Variants in ITGB5 observed in about 807,000 individuals in gnomAD.
ITGB5 encodes the protein integrin beta-5.
Under a neutral mutation model 84.8 loss-of-function variants are expected in ITGB5, and 38 were observed. The ratio of observed to expected loss-of-function variants is 0.45; its 90% CI spans 0.35 to 0.59. The LOEUF (loss-of-function observed/expected upper bound fraction) is 0.59. ITGB5 is among the 20% of genes least tolerant of loss of function. ITGB5 has a pLI of 0.01. For synonymous variants in ITGB5, 393 were observed against 414.4 expected (o/e 0.95, Z 0.63); for missense variants, 905 against 1,034.5 (o/e 0.87, Z 1.72).
chr3:124,861,527 C>CAG (rs56690729), intron 2 of ITGB5, among the ~76,000 whole-genome samples: 5 of 135,560 alleles, frequency 3.7e-5, no homozygotes, highest in Non-Finnish European at 7.9e-5. Flanking sequence ...CACACACACA[C>CAG]AGAGAGATAC....
intron 2 of ITGB5, among the ~76,000 whole-genome samples, chr3:124,872,941 C>T (rs879497736): frequency 3.9e-5 from 6 of 152,126 alleles, no homozygotes; most frequent in Non-Finnish European, 7.4e-5. Context: ...TAACATTGTC[C>T]CAAACCTATA....
intron 2 of ITGB5, among the ~76,000 whole-genome samples, chr3:124,869,299 G>A (rs2065441152): frequency 6.6e-6 from 1 of 152,226 alleles, no homozygotes; most frequent in Non-Finnish European, 1.5e-5. Context: ...TTTGTGGCCA[G>A]GCGTGTTGGC....
chr3:124,782,122 G>A (rs184702365), intron 10 of ITGB5, among the ~76,000 whole-genome samples: 3 of 152,196 alleles, frequency 2.0e-5, no homozygotes, highest in African/African-American at 4.8e-5. Context: ...TACAATAGGC[G>A]AGGCATGGTT....
In ITGB5 at chr3:124,769,022, C is replaced by T. The variant is rs1417815585; in HGVS notation, c.2008G>A (p.Asp670Asn). 3 of 1,611,002 alleles carry T rather than the reference C, an allele frequency of 1.9e-6. No homozygotes were observed. The highest frequency in any genetic ancestry group is 2.5e-6 in the Non-Finnish European group (3 of 1,177,800). ...LCRDEVITWV[D>N]TIVKDDQEAV... ...GTGGCAGCACACTCACCGATGGTGTCCACCCATGTGATCACCTCATCCCTG... is the reference window on the plus strand; with the variant it reads ...GTGGCAGCACACTCACCGATGGTGTTCACCCATGTGATCACCTCATCCCTG... The change falls in exon 12 of 15, where the codon GAC becomes AAC. Residue 670 changes from aspartate to asparagine, a missense_variant. By Grantham distance (23) the Asp-to-Asn change is conservative. Around this residue, in one of 3 missense-constraint regions of ITGB5, gnomAD observed 116 missense variants for 177.0 expected, o/e 0.66. Coordinates refer to ENST00000296181, the MANE Select transcript of ITGB5 (RefSeq NM_002213.5).
At chr3:124,785,392 G>A (rs2064066222) in intron 10 of ITGB5, among the ~76,000 whole-genome samples, 1 of 151,762 alleles carries the variant, frequency 6.6e-6, no homozygotes, top group Non-Finnish European at 1.5e-5. Context: ...GACCAGTCTG[G>A]CCAACATAGT....
chr3:124,874,031 C>A, intron 1 of ITGB5, among the ~76,000 whole-genome samples: 1 of 149,984 alleles, frequency 6.7e-6, no homozygotes. Context: ...AGAGGAAATC[C>A]ATTGATTCAA....
intron 5 of ITGB5, among the ~76,000 whole-genome samples, chr3:124,830,483 A>G (rs1485136471): frequency 6.6e-6 from 1 of 152,260 alleles, no homozygotes. Flanking sequence ...ACAGGCTCCA[A>G]GGGGCTACAA....
intron 11 of ITGB5, among the ~76,000 whole-genome samples, chr3:124,772,264 C>G: frequency 6.6e-6 from 1 of 152,174 alleles, no homozygotes; most frequent in African/African-American, 2.4e-5. Context: ...TTACTCTCCC[C>G]CATCTCCTCC....
chr3:124,784,054 A>G (rs148438124), intron 10 of ITGB5, among the ~76,000 whole-genome samples: 5 of 151,682 alleles, frequency 3.3e-5, no homozygotes, highest in Non-Finnish European at 7.4e-5. Flanking sequence ...CCACTGCTAT[A>G]AAAAAAAATA....
chr3:124,844,422 T>C (rs1172399319), intron 4 of ITGB5, among the ~76,000 whole-genome samples: 1 of 152,022 alleles, frequency 6.6e-6, no homozygotes, highest in Admixed American at 6.6e-5. Flanking sequence ...TAGCTGGGCA[T>C]GGTGGTGGGC....
chr3:124,764,927 G>A (rs978613587), intron 13 of ITGB5, among the ~76,000 whole-genome samples: 2 of 151,650 alleles, frequency 1.3e-5, no homozygotes, highest in Non-Finnish European at 2.9e-5. Flanking sequence ...GTACCATGAA[G>A]CCACATGAAG....
In ITGB5 at chr3:124,766,348, G is replaced by A. The variant is rs2063768328; in HGVS notation, c.2018-3C>T. 1.2e-6 allele frequency: 2 copies of A among 1,613,900 alleles called. No individual in the cohort carries two copies. The highest frequency in any genetic ancestry group is 1.7e-6 in the Non-Finnish European group (2 of 1,179,900). On this transcript the variant is annotated splice_region_variant and splice_polypyrimidine_tract_variant and intron_variant, in intron 12 of 14. Coordinates refer to ENST00000296181, the MANE Select transcript of ITGB5 (RefSeq NM_002213.5). ...CACAGCCTCCTGGTCATCTTTCACT[G>A]GAAGAAAACCAAGCGGGAATGGCCT...
chr3:124,871,232 T>C (rs530338686), intron 2 of ITGB5, among the ~76,000 whole-genome samples: 2 of 152,038 alleles, frequency 1.3e-5, no homozygotes, highest in Admixed American at 6.5e-5. Flanking sequence ...TCTCGCCCTG[T>C]TGCCCAGGCT....
chr3:124,805,928 T>G (rs1392219404), intron 9 of ITGB5, among the ~76,000 whole-genome samples: 2 of 152,224 alleles, frequency 1.3e-5, no homozygotes, highest in African/African-American at 2.4e-5. Flanking sequence ...AAAATATTTT[T>G]AAATCTTGGC....
At chr3:124,818,324 AC>A (rs756427137) in intron 7 of ITGB5, among the ~76,000 whole-genome samples, 2 of 151,418 alleles carry the variant, frequency 1.3e-5, no homozygotes, top group Non-Finnish European at 2.9e-5. Flanking sequence ...GACATCTCCC[AC>A]CCTCTGCCTG....
Position 124,771,398 on chromosome 3 carries a change from A to T in ITGB5, c.1917-2285T>A, listed in dbSNP as rs572379954. The stretch of plus-strand genomic sequence containing the variant: ...AAGGACTTCGTTTAAAAAGAAAAAA[A>T]AGTTCCACCTAGGCTGTGAAAGAGA... On this transcript the variant is annotated intron_variant, in intron 11 of 14. Coordinates refer to ENST00000296181, the MANE Select transcript of ITGB5 (RefSeq NM_002213.5). 8.5e-5 allele frequency among the ~76,000 whole-genome samples: 13 copies of T among 152,312 alleles called. No individual in the cohort carries two copies. The South Asian group carries it at 2.7e-3, about 32-fold the overall frequency.
At chr3:124,773,669 G>A in intron 11 of ITGB5, 21 bp downstream of exon 11, 1 of 1,607,192 alleles carries the variant, frequency 6.2e-7, no homozygotes, top group Non-Finnish European at 8.5e-7. Context: ...AGTAAGGTGG[G>A]GCTGTCAGTG....
intron 1 of ITGB5, chr3:124,878,526 A>C: frequency 6.6e-6 from 1 of 152,076 alleles, no homozygotes; most frequent in East Asian, 1.9e-4. Flanking sequence ...AAATTCAAGA[A>C]ACTCTGCACT....
chr3:124,776,156 T>C (rs1339682390), intron 10 of ITGB5, among the ~76,000 whole-genome samples: 2 of 152,184 alleles, frequency 1.3e-5, no homozygotes, highest in Non-Finnish European at 2.9e-5. Context: ...GGGCAGTGTC[T>C]CGCAGCTCAA....
Sources: gnomAD v4.1 joint callset for allele counts (sites outside exome capture counted in the v4.1 genomes callset) on GRCh38, gnomAD v4.1.1 for gene constraint, gnomAD v4.1.1 regional missense constraint, MANE v1.5 for transcripts, NCBI Gene and HGNC (gene_info 2026-07-23, HGNC 2026-07-21) for gene names.